Variants in TRPC5 observed in about 807,000 individuals in gnomAD.
TRPC5 encodes short transient receptor potential channel 5.
In TRPC5, 9 loss-of-function variants were observed where a neutral mutation model predicts 56.5. The observed-to-expected ratio is 0.16, with a 90% CI of 0.10 to 0.28. The LOEUF (loss-of-function observed/expected upper bound fraction) is 0.28. Ranked by LOEUF, TRPC5 falls within the 10% of genes least tolerant of loss-of-function variation. TRPC5 has a pLI of 1.00. For missense variants in TRPC5, 469 were observed against 748.9 expected (o/e 0.63, Z 4.36); for synonymous variants, 282 against 278.5 (o/e 1.01, Z -0.13).
At chrX:111,949,313 G>A (rs1242660528) in intron 2 of TRPC5, among the ~76,000 whole-genome samples, 1 of 112,162 alleles carries the variant, frequency 8.9e-6, no homozygotes, top group Non-Finnish European at 1.9e-5. Context: ...AAAAGCAAAT[G>A]CAATAAAAAC....
intron 1 of TRPC5, among the ~76,000 whole-genome samples, chrX:112,080,617 C>T (rs993232204): frequency 5.4e-5 from 6 of 111,542 alleles, no homozygotes; most frequent in African/African-American, 1.3e-4. Flanking sequence ...TGCTTTGAAA[C>T]GAACTTCGTA....
At chrX:111,856,819 CAAAAA>C (rs59633997) in intron 3 of TRPC5, among the ~76,000 whole-genome samples, 2 of 36,093 alleles carry the variant, frequency 5.5e-5, no homozygotes, top group African/African-American at 2.1e-4. Flanking sequence ...ACTCCATCTC[CAAAAA>C]AAAAAAAAAA....
At chrX:111,960,717 T>TATGACA (rs1927356361) in intron 1 of TRPC5, among the ~76,000 whole-genome samples, 1 of 111,985 alleles carries the variant, frequency 8.9e-6, no homozygotes, top group South Asian at 3.7e-4. Context: ...TGGAATGTAA[T>TATGACA]ATGACAATGT....
chrX:111,920,229 C>T (rs1926090324), intron 2 of TRPC5, among the ~76,000 whole-genome samples: 2 of 111,002 alleles, frequency 1.8e-5, no homozygotes, highest in South Asian at 7.8e-4. Flanking sequence ...GAGTGAAGAT[C>T]GCACCACTAC....
chrX:111,970,892 C>T (rs1927764558), intron 1 of TRPC5, among the ~76,000 whole-genome samples: 1 of 108,647 alleles, frequency 9.2e-6, no homozygotes, highest in Admixed American at 1.0e-4. Context: ...GCCTCAGCCT[C>T]CCCAGCTCCC....
intron 3 of TRPC5, among the ~76,000 whole-genome samples, chrX:111,855,625 T>A (rs1923203636): frequency 8.9e-6 from 1 of 112,500 alleles, no homozygotes; most frequent in Non-Finnish European, 1.9e-5. Context: ...GTTTTCATCC[T>A]GTGATGTCAT....
At chrX:112,055,056 C>G (rs1602415029) in intron 1 of TRPC5, among the ~76,000 whole-genome samples, 1 of 112,058 alleles carries the variant, frequency 8.9e-6, no homozygotes, top group East Asian at 2.8e-4. Context: ...CTCATGCCTT[C>G]ATTTACTCTC....
At chrX:111,973,222 T>C (rs1329689068) in intron 1 of TRPC5, among the ~76,000 whole-genome samples, 1 of 112,060 alleles carries the variant, frequency 8.9e-6, no homozygotes, top group Non-Finnish European at 1.9e-5. Flanking sequence ...CTCCTACATC[T>C]ATTTCCACTG....
chrX:111,998,420 T>C (rs1049447376), intron 1 of TRPC5, among the ~76,000 whole-genome samples: 1 of 111,648 alleles, frequency 9.0e-6, no homozygotes, highest in Non-Finnish European at 1.9e-5. Flanking sequence ...GGGAATGCTG[T>C]ATATATTCTC....
At chrX:112,038,937 A>G (rs1929825594) in intron 1 of TRPC5, among the ~76,000 whole-genome samples, 1 of 103,291 alleles carries the variant, frequency 9.7e-6, no homozygotes, top group Non-Finnish European at 2.0e-5. Flanking sequence ...TGATCTGCCC[A>G]CTTTGGCTTC....
chrX:112,079,380 G>T (rs1330783985), intron 1 of TRPC5, among the ~76,000 whole-genome samples: 1 of 112,106 alleles, frequency 8.9e-6, no homozygotes, highest in Non-Finnish European at 1.9e-5. Flanking sequence ...ATATTGTAAG[G>T]AGAGAAATGA....
At chrX:111,908,568 G>A (rs771496997) in intron 3 of TRPC5, among the ~76,000 whole-genome samples, 12 of 110,541 alleles carry the variant, frequency 1.1e-4, no homozygotes, top group Non-Finnish European at 1.9e-4. Context: ...TCACTATCCC[G>A]GCTGTATACC....
chrX:112,059,816 T>C (rs1396792516), intron 1 of TRPC5, among the ~76,000 whole-genome samples: 1 of 112,006 alleles, frequency 8.9e-6, no homozygotes, highest in Non-Finnish European at 1.9e-5. Context: ...AAGGAAATTT[T>C]ATGAAGATGT....
In TRPC5 at chrX:111,772,145, T is replaced by C. The variant is rs3027758; in HGVS notation, c.*4168A>G. Among the ~76,000 whole-genome samples the C allele has an allele frequency of 3.6e-3, 404 of 111,651 alleles. 2 individuals carry two copies. Among genetic ancestry groups the C allele is most frequent in the African/African-American group, 0.013 (387 of 30,720 alleles). ...TAATGGTAACAATGTTTCTCTCTGC[T>C]GAAGTAAAGCTCACATTCATTTGGG... On this transcript the variant is annotated 3_prime_UTR_variant, in exon 11 of 11. Coordinates refer to ENST00000262839, the MANE Select transcript of TRPC5 (RefSeq NM_012471.3).
rs771568735 is a variant in TRPC5, at chrX:111,769,348, G to T, written c.*6965C>A. Among the ~76,000 whole-genome samples, 4 of 111,970 alleles carry T rather than the reference G, an allele frequency of 3.6e-5. No individual in the cohort carries two copies. Among genetic ancestry groups the T allele is most frequent in the Non-Finnish European group, 7.5e-5 (4 of 53,152 alleles). On this transcript the variant is annotated 3_prime_UTR_variant, in exon 11 of 11. Transcript: ENST00000262839. ...TAAACACAAAGGGTTAATCATTATG[G>T]TTGTTCCCAAATCAGTGAAGCTTCT...
At chrX:112,012,383 C>CTTTTCA (rs1929015769) in intron 1 of TRPC5, among the ~76,000 whole-genome samples, 1 of 109,994 alleles carries the variant, frequency 9.1e-6, no homozygotes, top group African/African-American at 3.3e-5. Context: ...TTTTTCTTTT[C>CTTTTCA]TTTTCTTTTT....
chrX:112,054,445 G>C lies in TRPC5; in HGVS notation c.-22+27434C>G, dbSNP rs895144725. Reference sequence around the variant, plus strand: ...AGAGGATGTAACTCAATAGGTAATAGGGAGCCACTCTACAATACTGCAAGA... The same window carrying C: ...AGAGGATGTAACTCAATAGGTAATACGGAGCCACTCTACAATACTGCAAGA... On this transcript the variant is annotated intron_variant, in intron 1 of 10. Transcript: ENST00000262839. Among the ~76,000 whole-genome samples the C allele has an allele frequency of 9.0e-5, 10 of 111,051 alleles. No individual in the cohort carries two copies. The Admixed American group carries it at 9.6e-4, about 11-fold the overall frequency.
rs144839716 is a variant in TRPC5, at chrX:111,928,894, T to C, written c.379-16082A>G. On this transcript the variant is annotated intron_variant, in intron 2 of 10. Coordinates refer to ENST00000262839, the MANE Select transcript of TRPC5 (RefSeq NM_012471.3). Reference sequence around the variant, plus strand: ...TGAATTTTCAATCACTTGCAAAACATGTCCATCTATCTGAAACACATATAG... The same window carrying C: ...TGAATTTTCAATCACTTGCAAAACACGTCCATCTATCTGAAACACATATAG... 4.0e-3 allele frequency among the ~76,000 whole-genome samples: 451 copies of C among 112,358 alleles called. 2 individuals are homozygous for C. The highest frequency in any genetic ancestry group is 0.014 in the African/African-American group (431 of 30,977).
chrX:111,967,429 C>T (rs1287230925), intron 1 of TRPC5, among the ~76,000 whole-genome samples: 1 of 111,232 alleles, frequency 9.0e-6, no homozygotes, highest in Admixed American at 9.5e-5. Context: ...GATTCAATGC[C>T]ATCCCCATCA....
Sources: allele counts gnomAD v4.1 joint callset (sites outside exome capture counted in the v4.1 genomes callset), GRCh38; gene constraint gnomAD v4.1.1; transcripts MANE v1.5; gene names NCBI Gene and HGNC (gene_info 2026-07-23, HGNC 2026-07-21).